Variants in FLT3 observed in about 807,000 individuals in gnomAD.
FLT3 encodes receptor-type tyrosine-protein kinase FLT3.
In FLT3, 46 loss-of-function variants were observed where a neutral mutation model predicts 126.6. The observed-to-expected ratio is 0.36, with a 90% CI of 0.29 to 0.46. The LOEUF is 0.46. Among genes scored for constraint, FLT3 ranks in the 20% least tolerant of loss-of-function variants. The probability of loss-of-function intolerance (pLI) is 1.00; values close to 1 mark genes in which losing one functional copy is unlikely to be tolerated. For synonymous variants in FLT3, 404 were observed against 434.4 expected (o/e 0.93, Z 0.87); for missense variants, 1,069 against 1,190.3 (o/e 0.90, Z 1.50).
Position 28,073,799 on chromosome 13 carries a change from G to C in FLT3, c.44-3187C>G, listed in dbSNP as rs545761893. On this transcript the variant is annotated intron_variant, in intron 1 of 23. Transcript: ENST00000241453. ...AATTTGTTTTTAAAACATTAGCCAAGTGTGGTGGCACGAGCCTGAAGTCTC... is the reference window on the plus strand; with the variant it reads ...AATTTGTTTTTAAAACATTAGCCAACTGTGGTGGCACGAGCCTGAAGTCTC... Among the ~76,000 whole-genome samples, 15 of 152,056 alleles carry C rather than the reference G, an allele frequency of 9.9e-5. No homozygotes were observed. In the East Asian group the frequency reaches 2.7e-3, roughly 27 times the overall value.
Position 28,045,330 on chromosome 13 carries a change from C to T in FLT3, c.1205+2945G>A, listed in dbSNP as rs942608552. 2.0e-5 allele frequency among the ~76,000 whole-genome samples: 3 copies of T among 152,192 alleles called. No homozygotes were observed. In the East Asian group the frequency reaches 5.8e-4, roughly 29 times the overall value. ...TCACTCTTGCAGCCCATCACAGCAT[C>T]ACACCCATCAAGAGGATATTAAAGT... On this transcript the variant is annotated intron_variant, in intron 9 of 23. Coordinates refer to ENST00000241453, the MANE Select transcript of FLT3 (RefSeq NM_004119.3).
intron 9 of FLT3, among the ~76,000 whole-genome samples, chr13:28,041,666 A>G (rs911969042): frequency 2.0e-5 from 3 of 152,210 alleles, no homozygotes; most frequent in Non-Finnish European, 4.4e-5. Context: ...TGCAATGACA[A>G]CCGTGTCCTG....
chr13:28,009,135 C>A (rs1455304992), intron 23 of FLT3, among the ~76,000 whole-genome samples: 4 of 152,036 alleles, frequency 2.6e-5, no homozygotes, highest in African/African-American at 7.3e-5. Flanking sequence ...CACCACCACA[C>A]CCAGCTAATT....
chr13:28,089,370 A>G (rs1878882477), intron 1 of FLT3, among the ~76,000 whole-genome samples: 1 of 151,258 alleles, frequency 6.6e-6, no homozygotes, highest in African/African-American at 2.5e-5. Context: ...TTTACCCAAA[A>G]GAAATGAAAA....
At chr13:28,059,697 C>T (rs1033723567) in intron 3 of FLT3, among the ~76,000 whole-genome samples, 1 of 152,144 alleles carries the variant, frequency 6.6e-6, no homozygotes, top group African/African-American at 2.4e-5. Context: ...TGCTGTGGCT[C>T]ATGCCTGTAA....
chr13:28,036,947 G>A (rs1873886124), intron 10 of FLT3, among the ~76,000 whole-genome samples: 1 of 152,228 alleles, frequency 6.6e-6, no homozygotes, highest in African/African-American at 2.4e-5. Flanking sequence ...TGGCACCCCA[G>A]CCTGCGTGGT....
chr13:28,086,282 T>C (rs1878665039), intron 1 of FLT3, among the ~76,000 whole-genome samples: 1 of 152,212 alleles, frequency 6.6e-6, no homozygotes. Context: ...GATTTAAGGT[T>C]CATAGTATTA....
At chr13:28,013,786 T>C (rs1871596724) in intron 23 of FLT3, among the ~76,000 whole-genome samples, 3 of 152,190 alleles carry the variant, frequency 2.0e-5, no homozygotes. Context: ...TATAGCATGA[T>C]TGAGTCATGT....
At chr13:28,070,137 T>C (rs975889998) in intron 2 of FLT3, among the ~76,000 whole-genome samples, 1 of 152,132 alleles carries the variant, frequency 6.6e-6, no homozygotes, top group Admixed American at 6.6e-5. Context: ...TCTGCATAGG[T>C]TACATGCAAA....
chr13:28,038,920 T>C (rs907464026), intron 9 of FLT3, among the ~76,000 whole-genome samples: 2 of 151,982 alleles, frequency 1.3e-5, no homozygotes, highest in Admixed American at 6.6e-5. Flanking sequence ...ACAGGACCCA[T>C]ACAAGTGGAA....
rs563193037 is a variant in FLT3 at position 28,003,935 on chromosome 13, G to A, written c.*117C>T. 58 of 1,212,112 alleles carry A rather than the reference G, an allele frequency of 4.8e-5. No homozygotes were observed. The Admixed American group carries it at 7.5e-4, about 16-fold the overall frequency. 75.1% of individuals were successfully genotyped at this position (1,212,112 alleles called of 1,614,324 possible). A position where few individuals can be genotyped will look rare whatever the true frequency, so the allele number is the denominator to read the frequency against. On this transcript the variant is annotated 3_prime_UTR_variant, in exon 24 of 24. Coordinates refer to ENST00000241453, the MANE Select transcript of FLT3 (RefSeq NM_004119.3). The stretch of plus-strand genomic sequence containing the variant: ...CAGACAGCTTCTAGAGAAAAGTCTG[G>A]TGAAGCAGCAGTTGATAATAGATTT...
At chr13:28,045,247 C>T (rs551190926) in intron 9 of FLT3, among the ~76,000 whole-genome samples, 1 of 152,288 alleles carries the variant, frequency 6.6e-6, no homozygotes, top group African/African-American at 2.4e-5. Flanking sequence ...CAGATATCAC[C>T]AGCACAGTAG....
At chr13:28,058,880 C>G (rs1324831547) in intron 3 of FLT3, among the ~76,000 whole-genome samples, 2 of 152,188 alleles carry the variant, frequency 1.3e-5, no homozygotes, top group Non-Finnish European at 2.9e-5. Flanking sequence ...TGAGCCACCA[C>G]GTCTGCAGTC....
At chr13:28,029,557 T>G (rs1873127982) in intron 15 of FLT3, among the ~76,000 whole-genome samples, 1 of 152,218 alleles carries the variant, frequency 6.6e-6, no homozygotes, top group Non-Finnish European at 1.5e-5. Context: ...TCCTCCTCAG[T>G]ACAAGTTAAC....
chr13:28,028,881 A>C (rs1414236659), intron 15 of FLT3, among the ~76,000 whole-genome samples: 2 of 150,834 alleles, frequency 1.3e-5, no homozygotes, highest in African/African-American at 2.4e-5. Context: ...TCCTGGGCTC[A>C]AGTGATCCTC....
chr13:28,089,361 T>C (rs1009041821), intron 1 of FLT3, among the ~76,000 whole-genome samples: 3 of 152,136 alleles, frequency 2.0e-5, no homozygotes, highest in Non-Finnish European at 4.4e-5. Flanking sequence ...TCTGAGGTAT[T>C]TACCCAAAAG....
chr13:28,057,466 C>T lies in FLT3; in HGVS notation c.369-4G>A, dbSNP rs1458002726. 1 of 1,301,040 alleles carries T rather than the reference C, an allele frequency of 7.7e-7. No homozygotes were observed. Among genetic ancestry groups the T allele is most frequent in the Admixed American group, 1.7e-5 (1 of 59,126 alleles). 80.6% of individuals were successfully genotyped at this position (1,301,040 alleles called of 1,614,324 possible). On this transcript the variant is annotated splice_region_variant and splice_polypyrimidine_tract_variant and intron_variant, in intron 3 of 23. Transcript: ENST00000241453. ...AATGACCATGGAAACAACTCCTCTG[C>T]AAAACAGGAAAGAGAACTAGTTATT...
intron 6 of FLT3, 131 bp downstream of exon 6, chr13:28,049,964 G>T: frequency 8.5e-7 from 1 of 1,177,946 alleles, no homozygotes. Flanking sequence ...CCATAATATT[G>T]CATTTACTGT....
intron 18 of FLT3, among the ~76,000 whole-genome samples, chr13:28,024,593 A>G (rs1297311807): frequency 6.6e-6 from 1 of 152,220 alleles, no homozygotes; most frequent in Non-Finnish European, 1.5e-5. Context: ...TTCGGAACTC[A>G]TTATCTCTTC....
Sources: gnomAD v4.1 joint callset for allele counts (sites outside exome capture counted in the v4.1 genomes callset) on GRCh38, gnomAD v4.1.1 for gene constraint, MANE v1.5 for transcripts, NCBI Gene and HGNC (gene_info 2026-07-23, HGNC 2026-07-21) for gene names.